GLIS3: variants seen among roughly 807,000 people sequenced by gnomAD.
GLIS3 encodes zinc finger protein GLIS3.
GLIS3 carries 53 observed loss-of-function variants against 78.6 expected under a neutral mutation model. That is an observed-to-expected ratio of 0.67 (90% CI 0.54 to 0.85). The LOEUF is 0.85. GLIS3 is among the 40% of genes least tolerant of loss of function. The pLI is 0.00. For synonymous variants in GLIS3, 684 were observed against 509.9 expected (o/e 1.34, Z -4.60); for missense variants, 1,703 against 1,231.1 (o/e 1.38, Z -5.74).
At chr9:4,358,210 T>G in the GLIS3 span, among the ~76,000 whole-genome samples, 3 of 152,190 alleles carry the variant, frequency 2.0e-5, no homozygotes, top group Non-Finnish European at 4.4e-5. Context: ...AAATACTAGT[T>G]GCTGCTAGAA....
chr9:4,413,010 C>A, the GLIS3 span, among the ~76,000 whole-genome samples: 1 of 152,200 alleles, frequency 6.6e-6, no homozygotes, highest in African/African-American at 2.4e-5. Flanking sequence ...GAATAAGAAA[C>A]TTCTGTCTTG....
intron 2 of GLIS3, among the ~76,000 whole-genome samples, chr9:4,260,256 C>A (rs1302489729): frequency 2.0e-5 from 3 of 152,092 alleles, no homozygotes; most frequent in East Asian, 3.9e-4. Flanking sequence ...CATGGTGAAA[C>A]CCTGTCTCTA....
the GLIS3 span, among the ~76,000 whole-genome samples, chr9:4,460,402 T>A: frequency 6.6e-6 from 1 of 152,204 alleles, no homozygotes. Flanking sequence ...GTAACTTCTA[T>A]ACAAGCATAA....
At chr9:4,088,399 G>A (rs757661424) in intron 4 of GLIS3, among the ~76,000 whole-genome samples, 8 of 152,176 alleles carry the variant, frequency 5.3e-5, no homozygotes, top group African/African-American at 7.2e-5. Flanking sequence ...AAAAATAAAT[G>A]TTCTCATTTG....
At chr9:4,406,347 C>G in the GLIS3 span, among the ~76,000 whole-genome samples, 2 of 152,140 alleles carry the variant, frequency 1.3e-5, no homozygotes, top group African/African-American at 4.8e-5. Flanking sequence ...GAGTTTTGCT[C>G]TTGTCTCTTG....
chr9:4,268,349 C>T (rs1298494160), intron 2 of GLIS3, among the ~76,000 whole-genome samples: 1 of 152,064 alleles, frequency 6.6e-6, no homozygotes, highest in Non-Finnish European at 1.5e-5. Context: ...TCTACCATAT[C>T]ATAAGTGTTA....
At chr9:4,292,233 G>T (rs779238208) in intron 1 of GLIS3, among the ~76,000 whole-genome samples, 1 of 152,130 alleles carries the variant, frequency 6.6e-6, no homozygotes, top group African/African-American at 2.4e-5. Flanking sequence ...AACGGAGAAA[G>T]CATTATTTAA....
chr9:4,335,380 C>T (rs868355448), intron 2 of GLIS3, among the ~76,000 whole-genome samples: 23 of 152,186 alleles, frequency 1.5e-4, no homozygotes, highest in African/African-American at 5.1e-4. Flanking sequence ...CCAAATGGTT[C>T]AGTTAAAGTA....
intron 2 of GLIS3, among the ~76,000 whole-genome samples, chr9:4,210,371 G>T (rs1004049918): frequency 6.6e-6 from 1 of 152,146 alleles, no homozygotes; most frequent in Non-Finnish European, 1.5e-5. Flanking sequence ...TTTCTATTTT[G>T]TGGTGGCCTT....
chr9:4,380,776 T>C, the GLIS3 span, among the ~76,000 whole-genome samples: 1 of 152,190 alleles, frequency 6.6e-6, no homozygotes. Flanking sequence ...GAAAGGAGAA[T>C]GTGGATTTAA....
intron 2 of GLIS3, among the ~76,000 whole-genome samples, chr9:4,238,910 C>T (rs925113125): frequency 1.3e-5 from 2 of 152,064 alleles, no homozygotes; most frequent in African/African-American, 4.8e-5. Flanking sequence ...GTGACTTTTT[C>T]ACCACGAGGC....
At chr9:4,039,823 G>A (rs546553861) in intron 4 of GLIS3, among the ~76,000 whole-genome samples, 24 of 152,298 alleles carry the variant, frequency 1.6e-4, no homozygotes, top group Admixed American at 1.2e-3. Flanking sequence ...AAGTACTACA[G>A]GAGTTAGAGC....
At chr9:4,386,979 T>C in the GLIS3 span, among the ~76,000 whole-genome samples, 5 of 152,176 alleles carry the variant, frequency 3.3e-5, no homozygotes, top group African/African-American at 1.2e-4. Flanking sequence ...CTCTGTCTAT[T>C]GGTGGCAGGG....
chr9:4,187,835 C>T (rs952285713), intron 2 of GLIS3, among the ~76,000 whole-genome samples: 2 of 152,014 alleles, frequency 1.3e-5, no homozygotes, highest in Admixed American at 6.6e-5. Context: ...GTGATTTTTG[C>T]ACATTGATTT....
At chr9:4,129,547 C>G (rs911801396) in intron 2 of GLIS3, among the ~76,000 whole-genome samples, 5 of 152,064 alleles carry the variant, frequency 3.3e-5, no homozygotes, top group Non-Finnish European at 5.9e-5. Flanking sequence ...GGCACCTCCC[C>G]CTCTCTCTCT....
intron 4 of GLIS3, among the ~76,000 whole-genome samples, chr9:3,979,223 A>C (rs1388326277): frequency 6.6e-6 from 1 of 152,132 alleles, no homozygotes; most frequent in African/African-American, 2.4e-5. Context: ...CATCATTCAA[A>C]TCCTCAATTC....
chr9:3,982,515 G>A (rs767299541), intron 4 of GLIS3, among the ~76,000 whole-genome samples: 1 of 152,150 alleles, frequency 6.6e-6, no homozygotes, highest in Non-Finnish European at 1.5e-5. Flanking sequence ...AACCCATGAC[G>A]GAAAACACAG....
At chr9:4,001,569 C>T (rs919518295) in intron 4 of GLIS3, among the ~76,000 whole-genome samples, 13 of 152,200 alleles carry the variant, frequency 8.5e-5, no homozygotes, top group East Asian at 3.9e-4. Context: ...TGTTTGTAAA[C>T]GTGTTTACTT....
chr9:4,218,979 A>C (rs1821091755), intron 2 of GLIS3, among the ~76,000 whole-genome samples: 3 of 152,264 alleles, frequency 2.0e-5, no homozygotes, highest in Non-Finnish European at 4.4e-5. Flanking sequence ...CTCATGAAAG[A>C]TAAAATTGGT....
Sources: allele counts gnomAD v4.1 joint callset (sites outside exome capture counted in the v4.1 genomes callset), GRCh38; gene constraint gnomAD v4.1.1; transcripts MANE v1.5; gene names NCBI Gene and HGNC (gene_info 2026-07-23, HGNC 2026-07-21).